ZFHX3: variants seen among roughly 807,000 people sequenced by gnomAD.
ZFHX3 encodes zinc finger homeobox protein 3.
ZFHX3 carries 42 observed loss-of-function variants against 279.1 expected under a neutral mutation model. That is an observed-to-expected ratio of 0.15 (90% CI 0.12 to 0.19). The LOEUF (loss-of-function observed/expected upper bound fraction) is 0.19, where lower values mean the gene tolerates loss of function less well. Among genes scored for constraint, ZFHX3 ranks in the 10% least tolerant of loss-of-function variants. The probability of loss-of-function intolerance (pLI) is 1.00; values close to 1 mark genes in which losing one functional copy is unlikely to be tolerated. For missense variants in ZFHX3, 4,981 were observed against 4,754.0 expected, an observed-to-expected ratio of 1.05 and a Z score of -1.40; for synonymous variants, 2,293 against 1,957.8, an observed-to-expected ratio of 1.17 and a Z score of -4.52.
Position 72,798,685 on chromosome 16 carries a change from A to G in ZFHX3, c.3997T>C (p.Leu1333=). The G allele has an allele frequency of 6.4e-7, 1 of 1,572,494 alleles. No individual in the cohort carries two copies. Among genetic ancestry groups the G allele is most frequent in the Non-Finnish European group, 8.6e-7 (1 of 1,161,530 alleles). The part of the protein sequence containing the change: ...ETSEDLGKNI[L]PSASTEQSGD... ...CTTTGCTCTGTGCTTGCGGATGGCA[A>G]GATGTTCTTTCCCAGATCCTCTGAG... The change falls in exon 9 of 10, where the codon TTG becomes CTG. Residue 1333 remains leucine (L), a synonymous_variant. Coordinates refer to ENST00000268489, the MANE Select transcript of ZFHX3 (RefSeq NM_006885.4).
intron 4 of ZFHX3, among the ~76,000 whole-genome samples, chr16:72,867,934 G>T (rs773581408): frequency 3.3e-5 from 5 of 152,176 alleles, no homozygotes; most frequent in Non-Finnish European, 7.3e-5. Flanking sequence ...AGTCTGCCAA[G>T]GAACCCACGG....
rs369346238 is a variant in ZFHX3, at chr16:72,794,752, A to G, written c.7930T>C (p.Leu2644=). The G allele has an allele frequency of 1.9e-6, 3 of 1,614,168 alleles. No individual in the cohort carries two copies. The highest frequency in any genetic ancestry group is 8.5e-7 in the Non-Finnish European group (1 of 1,180,028). ...TGTTCCGGTGTGATGGTTGTTCTCA[A>G]ACGCTTGTCTCTCTGAGGCTCTTCT... The part of the protein sequence containing the change: ...GGEEPQRDKR[L]RTTITPEQLE... The change falls in exon 9 of 10, where the codon TTG becomes CTG. Residue 2644 remains leucine (L), a synonymous_variant. Coordinates refer to ENST00000268489, the MANE Select transcript of ZFHX3 (RefSeq NM_006885.4). This position sits in a 1 kb window ranked among gnomAD's most constrained non-coding sequence, Gnocchi z 4.2.
chr16:73,116,845 T>C (rs1966437928), intron 7 of ZFHX3, among the ~76,000 whole-genome samples: 1 of 152,076 alleles, frequency 6.6e-6, no homozygotes, highest in African/African-American at 2.4e-5. Flanking sequence ...ATGGGGAGGG[T>C]TCTCAGAAGA....
At chr16:73,257,920 G>A (rs1031094615) in intron 4 of ZFHX3, among the ~76,000 whole-genome samples, 1 of 152,174 alleles carries the variant, frequency 6.6e-6, no homozygotes, top group African/African-American at 2.4e-5. Flanking sequence ...ACTTGTGACT[G>A]AATAAATATT....
intron 2 of ZFHX3, among the ~76,000 whole-genome samples, chr16:73,578,823 T>G (rs75333303): frequency 0.032 from 4,819 of 152,278 alleles, 306 homozygotes; most frequent in Admixed American, 0.14. Flanking sequence ...TCTCTAGATT[T>G]TGCTTCACTC....
chr16:73,415,063 A>G (rs1206342746), intron 3 of ZFHX3, among the ~76,000 whole-genome samples: 1 of 152,204 alleles, frequency 6.6e-6, no homozygotes, highest in Admixed American at 6.5e-5. Context: ...TCCAGCATTC[A>G]CAGTTCATTC....
rs575860630 is a variant in ZFHX3, at chr16:72,785,272, T to TATGGATATTAACAGAA, written c.*1876_*1891dup. ...GAGAAAGGGTGTGTGTTAACAGGAA[T>TATGGATATTAACAGAA]ATGGATATTAACAGAAACAAGTGCC... On this transcript the variant is annotated 3_prime_UTR_variant, in exon 10 of 10. Coordinates refer to ENST00000268489, the MANE Select transcript of ZFHX3 (RefSeq NM_006885.4). 883 of 152,766 alleles carry TATGGATATTAACAGAA rather than the reference T, an allele frequency of 5.8e-3. 23 individuals are homozygous for TATGGATATTAACAGAA. Among genetic ancestry groups the TATGGATATTAACAGAA allele is most frequent in the East Asian group, 0.017 (90 of 5,186 alleles). 9.5% of individuals were successfully genotyped at this position (152,766 alleles called of 1,614,324 possible).
chr16:73,752,151 C>G (rs1032695189), intron 1 of ZFHX3, among the ~76,000 whole-genome samples: 1 of 152,088 alleles, frequency 6.6e-6, no homozygotes, highest in African/African-American at 2.4e-5. Flanking sequence ...AGGAGAGTAA[C>G]TCCCAGCTTT....
chr16:73,127,349 A>G (rs1966586671), intron 7 of ZFHX3: 1 of 1,304,934 alleles, frequency 7.7e-7, no homozygotes, highest in African/African-American at 1.5e-5. Flanking sequence ...GAAAGCCGAT[A>G]AAAAGTCAAT....
chr16:73,022,271 A>C (rs933316218), intron 1 of ZFHX3, among the ~76,000 whole-genome samples: 2 of 152,174 alleles, frequency 1.3e-5, no homozygotes, highest in African/African-American at 4.8e-5. Context: ...GGAAGCCCCA[A>C]GGCTGGAAGC....
chr16:73,214,948 T>C (rs1056871342), intron 5 of ZFHX3, among the ~76,000 whole-genome samples: 11 of 149,346 alleles, frequency 7.4e-5, no homozygotes, highest in African/African-American at 2.2e-4. Flanking sequence ...AAACTTTTCC[T>C]TTAAGAAGGC....
At chr16:73,036,407 C>G (rs770005661) in intron 1 of ZFHX3, among the ~76,000 whole-genome samples, 4 of 152,096 alleles carry the variant, frequency 2.6e-5, no homozygotes, top group Non-Finnish European at 5.9e-5. Context: ...GGAATGCGCT[C>G]TGCCGCTTTG....
At position 73,742,171 on chromosome 16, in the gene ZFHX3, C is replaced by A. The variant is rs12597796; in HGVS notation, c.-1607-61931G>T. ...AAAGCTATTTATACTTTTCTAAGAC[C>A]ATCTTTACACTGAAGTTACAGCCGT... is the stretch of plus-strand genomic sequence containing the variant. On this transcript the variant is annotated intron_variant, in intron 1 of 17. Coordinates refer to the ZFHX3 transcript ENST00000641206. 9.2e-5 allele frequency among the ~76,000 whole-genome samples: 14 copies of A among 152,274 alleles called. No homozygotes were observed. In the East Asian group the frequency reaches 2.7e-3, roughly 29 times the overall value.
chr16:73,547,257 T>C (rs2020133829), intron 2 of ZFHX3, among the ~76,000 whole-genome samples: 1 of 151,960 alleles, frequency 6.6e-6, no homozygotes, highest in South Asian at 2.1e-4. Flanking sequence ...AACCCCATGT[T>C]ACCAAATTGG....
intron 2 of ZFHX3, among the ~76,000 whole-genome samples, chr16:73,471,954 C>T (rs1468867412): frequency 1.3e-5 from 2 of 152,124 alleles, no homozygotes; most frequent in Admixed American, 6.5e-5. Context: ...ACTTTCTGAT[C>T]CTGACAAGGT....
intron 4 of ZFHX3, among the ~76,000 whole-genome samples, chr16:73,279,667 T>C (rs1418099314): frequency 6.6e-6 from 1 of 152,108 alleles, no homozygotes; most frequent in Non-Finnish European, 1.5e-5. Flanking sequence ...TCTTTGTACT[T>C]AGAAGCTTGG....
intron 5 of ZFHX3, among the ~76,000 whole-genome samples, chr16:73,168,211 TTTTC>T (rs71156144): frequency 0.076 from 7,176 of 95,006 alleles, 255 homozygotes; most frequent in Admixed American, 0.098. Context: ...GTTTCTTTTG[TTTTC>T]TTTCTTTCTT....
intron 3 of ZFHX3, among the ~76,000 whole-genome samples, chr16:73,344,493 A>G (rs987153538): frequency 1.2e-4 from 18 of 152,258 alleles, no homozygotes; most frequent in African/African-American, 4.1e-4. Flanking sequence ...GAAGGATGGA[A>G]AAAATTTGAA....
chr16:73,029,648 C>T (rs1964624557), intron 1 of ZFHX3, among the ~76,000 whole-genome samples: 1 of 152,182 alleles, frequency 6.6e-6, no homozygotes, highest in Non-Finnish European at 1.5e-5. Context: ...TTGAAAAGAG[C>T]TTATCGGACA....
Sources: allele counts gnomAD v4.1 joint callset (sites outside exome capture counted in the v4.1 genomes callset), GRCh38; gene constraint gnomAD v4.1.1; non-coding constraint Gnocchi (gnomAD v3.1); transcripts MANE v1.5; gene names NCBI Gene and HGNC (gene_info 2026-07-23, HGNC 2026-07-21).